GPC3: variants seen among roughly 807,000 people sequenced by gnomAD.
The protein encoded by GPC3 is glypican-3.
In GPC3, 3 loss-of-function variants were observed where a neutral mutation model predicts 34.4. The observed-to-expected ratio is 0.09, with a 90% CI of 0.04 to 0.23. The LOEUF is 0.23. Among genes scored for constraint, GPC3 ranks in the 10% least tolerant of loss-of-function variants. GPC3 has a pLI of 1.00. For missense variants in GPC3, 351 were observed against 445.6 expected, an observed-to-expected ratio of 0.79 and a Z score of 1.91; for synonymous variants, 177 against 174.0, an observed-to-expected ratio of 1.02 and a Z score of -0.13.
At chrX:133,801,256 T>C (rs1039439796) in intron 2 of GPC3, among the ~76,000 whole-genome samples, 15 of 111,168 alleles carry the variant, frequency 1.3e-4, no homozygotes, top group African/African-American at 2.6e-4. Context: ...GAAACAGCCA[T>C]AGAAATTAGA....
chrX:133,657,692 G>C, intron 6 of GPC3, among the ~76,000 whole-genome samples: 1 of 111,352 alleles, frequency 9.0e-6, no homozygotes, highest in East Asian at 2.8e-4. Context: ...ATCCCCTCAA[G>C]GTTATACCAT....
intron 5 of GPC3, 25 bp from the exon 6 acceptor site, chrX:133,661,875 G>A: frequency 8.3e-7 from 1 of 1,200,084 alleles, no homozygotes; most frequent in East Asian, 3.0e-5. Flanking sequence ...GTAAAGAAAA[G>A]GTTTGTCAAA....
Position 133,700,005 on chromosome X carries a change from A to T in GPC3, c.1056T>A (p.Ser352=). 8.4e-7 allele frequency: 1 copy of T among 1,192,496 alleles called. No individual in the cohort carries two copies. The highest frequency in any genetic ancestry group is 1.8e-5 in the South Asian group (1 of 56,208). Residue 352 remains serine (S), a synonymous_variant, in exon 4 of 8, where the codon TCT becomes TCA. Coordinates refer to ENST00000370818, the MANE Select transcript of GPC3 (RefSeq NM_004484.4). ...TTTIGKLCAH[S]QQRQYRSAYY... is the part of the protein sequence containing the mutation. ...AAGCAGATCTATATTGGCGTTGTTG[A>T]GAATGGGCACATAACTTGCCAATCT...
At chrX:133,638,758 C>T (rs1191968509) in intron 6 of GPC3, among the ~76,000 whole-genome samples, 1 of 106,120 alleles carries the variant, frequency 9.4e-6, no homozygotes. Context: ...CTGGGCCACA[C>T]TGGAAGAAGA....
chrX:133,895,463 A>T (rs1488303240), intron 2 of GPC3, among the ~76,000 whole-genome samples: 1 of 111,496 alleles, frequency 9.0e-6, no homozygotes, highest in Non-Finnish European at 1.9e-5. Flanking sequence ...ACGTTTCCTC[A>T]TAGAATGCGA....
intron 6 of GPC3, among the ~76,000 whole-genome samples, chrX:133,635,908 A>G (rs2070418063): frequency 9.0e-6 from 1 of 110,925 alleles, no homozygotes; most frequent in Non-Finnish European, 1.9e-5. Flanking sequence ...AAACTCCAAA[A>G]TTCTTTATAT....
intron 7 of GPC3, among the ~76,000 whole-genome samples, chrX:133,554,184 T>C (rs2069464474): frequency 9.0e-6 from 1 of 110,933 alleles, no homozygotes; most frequent in South Asian, 3.9e-4. Context: ...CAGCTAATTT[T>C]TGTATTTTTA....
chrX:133,542,226 C>T (rs2069347368), intron 7 of GPC3, among the ~76,000 whole-genome samples: 1 of 111,995 alleles, frequency 8.9e-6, no homozygotes, highest in Non-Finnish European at 1.9e-5. Flanking sequence ...ATAAACACAT[C>T]CATGCTGGAT....
intron 7 of GPC3, among the ~76,000 whole-genome samples, chrX:133,589,568 G>C (rs2124322057): frequency 9.1e-6 from 1 of 110,030 alleles, no homozygotes; most frequent in East Asian, 2.9e-4. Context: ...TAGAGGCGGG[G>C]TTTCTCCATG....
intron 6 of GPC3, among the ~76,000 whole-genome samples, chrX:133,638,462 G>C (rs1015485783): frequency 1.8e-5 from 2 of 111,592 alleles, no homozygotes; most frequent in Non-Finnish European, 3.8e-5. Context: ...CGGGGGCCAA[G>C]CAACTTGGAC....
chrX:133,550,586 C>T (rs2069425644), intron 7 of GPC3, among the ~76,000 whole-genome samples: 1 of 111,955 alleles, frequency 8.9e-6, no homozygotes, highest in Admixed American at 9.4e-5. Flanking sequence ...CACCTAAAAA[C>T]ATCAGTCATT....
At chrX:133,604,582 T>C (rs974185607) in intron 6 of GPC3, among the ~76,000 whole-genome samples, 1 of 111,741 alleles carries the variant, frequency 8.9e-6, no homozygotes. Context: ...TTACTGCTGC[T>C]ACATGGCTAA....
intron 2 of GPC3, among the ~76,000 whole-genome samples, chrX:133,814,695 G>A (rs1225870754): frequency 9.0e-6 from 1 of 110,543 alleles, no homozygotes; most frequent in Non-Finnish European, 1.9e-5. Flanking sequence ...AGCCTCCCAA[G>A]TAGCTGGGTT....
At chrX:133,908,433 T>C (rs5977928) in intron 2 of GPC3, among the ~76,000 whole-genome samples, 46,482 of 109,996 alleles carry the variant, frequency 0.42, 8,425 homozygotes, top group African/African-American at 0.7. Context: ...ACAAAGTCCT[T>C]GGTCTAGTGG....
In GPC3 at chrX:133,836,003, A is replaced by G. The variant is rs1341092248; in HGVS notation, c.338-81827T>C. On this transcript the variant is annotated intron_variant, in intron 2 of 7. Coordinates refer to ENST00000370818, the MANE Select transcript of GPC3 (RefSeq NM_004484.4). ...CAGCCCATCAGTGGCGGAGCCTAGT[A>G]CAGATCCAGAGCTTTGCCCAGTCCA... Among the ~76,000 whole-genome samples the G allele has an allele frequency of 8.0e-5, 9 of 113,060 alleles. 1 individual carries two copies. In the Admixed American group the frequency reaches 8.4e-4, roughly 11 times the overall value.
At chrX:133,723,386 G>C (rs1044617898) in intron 3 of GPC3, among the ~76,000 whole-genome samples, 2 of 111,906 alleles carry the variant, frequency 1.8e-5, no homozygotes, top group African/African-American at 6.5e-5. Context: ...AGAGTTCAGA[G>C]GCTTCCCCAA....
At chrX:133,852,607 A>G (rs1314917706) in intron 2 of GPC3, among the ~76,000 whole-genome samples, 3 of 111,524 alleles carry the variant, frequency 2.7e-5, no homozygotes, top group Non-Finnish European at 3.8e-5. Flanking sequence ...CAATCACAAG[A>G]TAAGCAGCAT....
intron 2 of GPC3, among the ~76,000 whole-genome samples, chrX:133,913,119 C>CA (rs770588261): frequency 9.1e-6 from 1 of 110,236 alleles, no homozygotes; most frequent in East Asian, 2.9e-4. Context: ...AAGTTAACTG[C>CA]ATTGAGGAAG....
At chrX:133,556,000 C>T (rs1340555038) in intron 7 of GPC3, among the ~76,000 whole-genome samples, 1 of 111,106 alleles carries the variant, frequency 9.0e-6, no homozygotes, top group African/African-American at 3.3e-5. Flanking sequence ...CCTCCTTTTT[C>T]ATCCTCCAGC....
Sources: allele counts gnomAD v4.1 joint callset (sites outside exome capture counted in the v4.1 genomes callset), GRCh38; gene constraint gnomAD v4.1.1; transcripts MANE v1.5; gene names NCBI Gene and HGNC (gene_info 2026-07-23, HGNC 2026-07-21).